Variants in CCDC152 observed in about 807,000 individuals in gnomAD.
The protein encoded by CCDC152 is coiled-coil domain-containing protein 152.
CCDC152 carries 37 observed loss-of-function variants against 38.1 expected under a neutral mutation model. The ratio of observed to expected loss-of-function variants is 0.97; its 90% CI spans 0.75 to 1.28. The LOEUF (loss-of-function observed/expected upper bound fraction) is 1.28, where lower values mean the gene tolerates loss of function less well. CCDC152 is among the 50% of genes most tolerant of loss of function. The pLI, the probability that CCDC152 is intolerant of heterozygous loss-of-function variation, is 0.00. For synonymous variants in CCDC152, 83 were observed against 87.1 expected (o/e 0.95, Z 0.26); for missense variants, 259 against 292.1 (o/e 0.89, Z 0.83).
intron 6 of CCDC152, among the ~76,000 whole-genome samples, chr5:42,788,455 G>A (rs1029276772): frequency 6.6e-6 from 1 of 151,876 alleles, no homozygotes; most frequent in Non-Finnish European, 1.5e-5. Context: ...AGAGACTGAG[G>A]TCCTCTTTTT....
intron 3 of CCDC152, among the ~76,000 whole-genome samples, chr5:42,767,459 A>G (rs960936967): frequency 6.6e-6 from 1 of 152,130 alleles, no homozygotes; most frequent in Non-Finnish European, 1.5e-5. Flanking sequence ...ATGATTATTG[A>G]TTTACTAAAT....
intron 7 of CCDC152, 52 bp downstream of exon 7, chr5:42,797,008 T>A: frequency 1.5e-6 from 2 of 1,312,622 alleles, no homozygotes; most frequent in South Asian, 2.9e-5. Flanking sequence ...TAGTCTAAAC[T>A]GTACTTTGAT....
At chr5:42,799,534 CTTA>C (rs1278074187) in intron 8 of CCDC152, 76 bp downstream of exon 8, 5 of 1,179,436 alleles carry the variant, frequency 4.2e-6, no homozygotes, top group African/African-American at 3.1e-5. Context: ...TCATCTAATT[CTTA>C]TTAACAATAT....
intron 6 of CCDC152, 144 bp from the exon 7 acceptor site, chr5:42,796,685 A>G: frequency 1.8e-6 from 1 of 544,602 alleles, no homozygotes; most frequent in South Asian, 2.9e-5. Flanking sequence ...TAGAAAAGCT[A>G]TTCTATACCT....
intron 5 of CCDC152, among the ~76,000 whole-genome samples, chr5:42,782,754 C>T (rs1438723824): frequency 1.3e-5 from 2 of 151,790 alleles, no homozygotes; most frequent in South Asian, 2.1e-4. Flanking sequence ...TTTAACATAT[C>T]CATAATATAG....
intron 4 of CCDC152, 59 bp from the exon 5 acceptor site, chr5:42,779,399 T>C: frequency 2.0e-6 from 2 of 996,966 alleles, no homozygotes; most frequent in Non-Finnish European, 3.1e-6. Flanking sequence ...GTTGAACATA[T>C]TTTCATATTA....
At chr5:42,777,236 C>T (rs569498767) in intron 4 of CCDC152, among the ~76,000 whole-genome samples, 2 of 152,030 alleles carry the variant, frequency 1.3e-5, no homozygotes, top group Admixed American at 1.3e-4. Flanking sequence ...CTACAAATGT[C>T]ATGTTCATTA....
At chr5:42,790,249 A>G (rs573133859) in intron 6 of CCDC152, among the ~76,000 whole-genome samples, 1 of 152,256 alleles carries the variant, frequency 6.6e-6, no homozygotes, top group South Asian at 2.1e-4. Context: ...AGGCGGGCGG[A>G]TTACCTGAGG....
intron 3 of CCDC152, among the ~76,000 whole-genome samples, chr5:42,767,394 T>C (rs1338159316): frequency 6.6e-6 from 1 of 152,178 alleles, no homozygotes. Flanking sequence ...TTGTATGAAA[T>C]ACATATTAAT....
chr5:42,799,440 A>C lies in CCDC152; in HGVS notation c.624A>C (p.Pro208=). 1 of 1,542,608 alleles carries C rather than the reference A, an allele frequency of 6.5e-7. No homozygotes were observed. Among genetic ancestry groups the C allele is most frequent in the South Asian group, 1.2e-5 (1 of 82,676 alleles). Residue 208 remains proline, a synonymous_variant, in exon 8 of 9, where the codon CCA becomes CCC. Transcript: ENST00000361970. ...CATATCAGGATTCTACTGTTTTGCC[A>C]CAAAGTATCTACAGAAGGGTATGTG... The part of the protein sequence containing the change: ...SKSYQDSTVL[P]QSIYRRKLQH...
chr5:42,769,489 T>C (rs1230985657), intron 3 of CCDC152, 108 bp from the exon 4 acceptor site: 1 of 1,256,064 alleles, frequency 8.0e-7, no homozygotes, highest in Non-Finnish European at 1.0e-6. Flanking sequence ...AAGGCACACA[T>C]CACCATGCCT....
At chr5:42,768,047 A>G (rs1759648784) in intron 3 of CCDC152, among the ~76,000 whole-genome samples, 1 of 152,174 alleles carries the variant, frequency 6.6e-6, no homozygotes, top group African/African-American at 2.4e-5. Flanking sequence ...GGGAGGAGTG[A>G]AGAGCCACAA....
chr5:42,771,430 T>C (rs1271479286), intron 4 of CCDC152, among the ~76,000 whole-genome samples: 1 of 151,194 alleles, frequency 6.6e-6, no homozygotes, highest in Non-Finnish European at 1.5e-5. Context: ...GATTATAGGA[T>C]AAATCAATCA....
In CCDC152 at chr5:42,779,510, G is replaced by A; in HGVS notation, c.315G>A (p.Lys105=). ...CTGATCTTATAAAAGAGAAGTTAAAGTCTCATGAACAGGTGAGTTTATGTA... is the reference window on the plus strand; with the variant it reads ...CTGATCTTATAAAAGAGAAGTTAAAATCTCATGAACAGGTGAGTTTATGTA... ...ISADLIKEKL[K]SHEQEYKNNI... Residue 105 remains lysine (K), a synonymous_variant, in exon 5 of 9, where the codon AAG becomes AAA. Transcript: ENST00000361970. The A allele has an allele frequency of 1.3e-6, 2 of 1,511,706 alleles. No homozygotes were observed. The highest frequency in any genetic ancestry group is 9.0e-7 in the Non-Finnish European group (1 of 1,111,186). The allele number at this position is 1,511,706 out of a possible 1,614,324, so 93.6% of individuals were successfully genotyped here. A position where few individuals can be genotyped will look rare whatever the true frequency, so the allele number is the denominator to read the frequency against.
At chr5:42,799,245 C>G (rs1760125268) in intron 7 of CCDC152, 130 bp from the exon 8 acceptor site, 1 of 459,606 alleles carries the variant, frequency 2.2e-6, no homozygotes, top group Non-Finnish European at 3.8e-6. Context: ...AAAGATTTTT[C>G]TATTGTCTAT....
intron 6 of CCDC152, among the ~76,000 whole-genome samples, chr5:42,788,002 T>C (rs1049743958): frequency 3.3e-5 from 5 of 152,176 alleles, no homozygotes; most frequent in African/African-American, 1.2e-4. Context: ...TAGTGAGCTT[T>C]ATAGTCTCAG....
intron 4 of CCDC152, among the ~76,000 whole-genome samples, chr5:42,776,390 A>G (rs889818337): frequency 6.6e-6 from 1 of 152,184 alleles, no homozygotes; most frequent in Non-Finnish European, 1.5e-5. Flanking sequence ...CCAAGAAGAC[A>G]TAAAATTGTT....
At chr5:42,770,143 A>G (rs986377022) in intron 4 of CCDC152, among the ~76,000 whole-genome samples, 1 of 152,212 alleles carries the variant, frequency 6.6e-6, no homozygotes, top group Non-Finnish European at 1.5e-5. Flanking sequence ...AAACAGGCCT[A>G]CCATTCACAA....
At chr5:42,799,049 A>C (rs756535698) in intron 7 of CCDC152, among the ~76,000 whole-genome samples, 1 of 152,208 alleles carries the variant, frequency 6.6e-6, no homozygotes, top group African/African-American at 2.4e-5. Flanking sequence ...TCTGCACTAT[A>C]GAATCACGTG....
Sources: gnomAD v4.1 joint callset for allele counts (sites outside exome capture counted in the v4.1 genomes callset) on GRCh38, gnomAD v4.1.1 for gene constraint, MANE v1.5 for transcripts, NCBI Gene and HGNC (gene_info 2026-07-23, HGNC 2026-07-21) for gene names.